PPP1R7: variants seen among roughly 807,000 people sequenced by gnomAD.
PPP1R7 encodes protein phosphatase 1 regulatory subunit 22.
PPP1R7 carries 18 observed loss-of-function variants against 45.2 expected under a neutral mutation model. That is an observed-to-expected ratio of 0.40 (90% CI 0.28 to 0.59). The LOEUF is 0.59. Ranked by LOEUF, PPP1R7 falls within the 20% of genes least tolerant of loss-of-function variation. The pLI, the probability that PPP1R7 is intolerant of heterozygous loss-of-function variation, is 0.46. For synonymous variants in PPP1R7, 181 were observed against 183.4 expected (o/e 0.99, Z 0.11); for missense variants, 314 against 455.8 (o/e 0.69, Z 2.83).
intron 7 of PPP1R7, among the ~76,000 whole-genome samples, chr2:241,165,349 G>A (rs1358252870): frequency 6.7e-6 from 1 of 148,712 alleles, no homozygotes; most frequent in African/African-American, 2.5e-5. Flanking sequence ...TGTATTTTTA[G>A]TGGAGACAGG....
intron 6 of PPP1R7, among the ~76,000 whole-genome samples, chr2:241,160,749 A>T (rs1178873187): frequency 2.0e-5 from 3 of 152,220 alleles, no homozygotes; most frequent in African/African-American, 7.2e-5. Context: ...CATGACCCTG[A>T]ATCACACTGT....
At chr2:241,157,883 C>T in intron 3 of PPP1R7, 21 bp downstream of exon 3, 3 of 1,609,414 alleles carry the variant, frequency 1.9e-6, no homozygotes, top group Non-Finnish European at 8.5e-7. Flanking sequence ...CTGCTCAGCC[C>T]AGCCTTGGGC....
Position 241,158,566 on chromosome 2 carries a change from T to C in PPP1R7, c.303+17T>C, listed in dbSNP as rs759735668. 1.0e-5 allele frequency: 16 copies of C among 1,606,152 alleles called. No homozygotes were observed. The South Asian group carries it at 1.4e-4, about 14-fold the overall frequency. ...AAAGTGAAGGTGAGAGGGACTCTTATGAGGGGACTATGACGCTCACCCATA... is the reference window on the plus strand; with the variant it reads ...AAAGTGAAGGTGAGAGGGACTCTTACGAGGGGACTATGACGCTCACCCATA... On this transcript the variant is annotated intron_variant, in intron 4 of 9. Coordinates refer to ENST00000234038, the MANE Select transcript of PPP1R7 (RefSeq NM_002712.3).
At chr2:241,162,554 G>A (rs2067617700) in intron 6 of PPP1R7, among the ~76,000 whole-genome samples, 1 of 152,188 alleles carries the variant, frequency 6.6e-6, no homozygotes. Context: ...TGGAAACTGG[G>A]CAAGAGGGGC....
intron 9 of PPP1R7, among the ~76,000 whole-genome samples, chr2:241,176,262 C>T (rs2067906277): frequency 6.6e-6 from 1 of 152,122 alleles, no homozygotes; most frequent in Non-Finnish European, 1.5e-5. Flanking sequence ...AAAAGGCTGG[C>T]CAACTGGGTG....
chr2:241,156,747 G>A (rs893823057), intron 2 of PPP1R7, among the ~76,000 whole-genome samples: 2 of 152,192 alleles, frequency 1.3e-5, no homozygotes, highest in Non-Finnish European at 2.9e-5. Context: ...GCCTTATTTG[G>A]ATCATAATGC....
rs1463738240 is a variant in PPP1R7, at chr2:241,163,807, G to A, written c.714+406G>A. ...GGGGGTGAGGAATGGAAGAGATGAG[G>A]TCTCACTATGTTGCCTAGGCTGGTC... is the stretch of plus-strand genomic sequence containing the variant. On this transcript the variant is annotated intron_variant, in intron 7 of 9. Coordinates refer to ENST00000234038, the MANE Select transcript of PPP1R7 (RefSeq NM_002712.3). Among the ~76,000 whole-genome samples the A allele has an allele frequency of 2.6e-5, 4 of 152,054 alleles. No individual in the cohort carries two copies. The East Asian group carries it at 7.7e-4, about 29-fold the overall frequency.
At chr2:241,162,683 C>CTTTTTTT (rs1232024996) in intron 6 of PPP1R7, among the ~76,000 whole-genome samples, 1 of 134,426 alleles carries the variant, frequency 7.4e-6, no homozygotes, top group East Asian at 2.2e-4. Flanking sequence ...CTTGGGAGGA[C>CTTTTTTT]TTTTTTTTTT....
intron 7 of PPP1R7, among the ~76,000 whole-genome samples, chr2:241,165,856 CA>C: frequency 6.6e-6 from 1 of 151,834 alleles, no homozygotes; most frequent in South Asian, 2.1e-4. Flanking sequence ...CTCGGCCTCC[CA>C]AAGTGCTGGG....
intron 7 of PPP1R7, among the ~76,000 whole-genome samples, chr2:241,163,691 A>T (rs1207874825): frequency 1.3e-5 from 2 of 151,818 alleles, no homozygotes; most frequent in Non-Finnish European, 2.9e-5. Context: ...GCAGCCTCCA[A>T]CTCCTGGGCT....
At chr2:241,152,934 C>T (rs773244878) in intron 1 of PPP1R7, among the ~76,000 whole-genome samples, 3 of 152,208 alleles carry the variant, frequency 2.0e-5, no homozygotes, top group Admixed American at 6.5e-5. Context: ...TTTCTGTGGG[C>T]GGTCAGCACT....
chr2:241,155,586 G>T (rs2067437111), intron 2 of PPP1R7, among the ~76,000 whole-genome samples: 1 of 152,130 alleles, frequency 6.6e-6, no homozygotes, highest in Non-Finnish European at 1.5e-5. Context: ...ACTCAGAAGG[G>T]CATTCTAGGC....
At chr2:241,150,062 T>C (rs1163857367), upstream of PPP1R7, 10 of 1,340,642 alleles carry the variant, frequency 7.5e-6, no homozygotes, top group Non-Finnish European at 9.6e-6. Context: ...GGGATGCACG[T>C]AGGACTGGCC....
At chr2:241,172,861 T>C (rs1344493119) in intron 9 of PPP1R7, among the ~76,000 whole-genome samples, 2 of 152,116 alleles carry the variant, frequency 1.3e-5, no homozygotes, top group African/African-American at 2.4e-5. Context: ...GAATTTAATA[T>C]TATGGATACA....
intron 9 of PPP1R7, 103 bp from the exon 10 acceptor site, chr2:241,182,544 G>T (rs34186191): frequency 1.4e-6 from 2 of 1,427,758 alleles, no homozygotes; most frequent in East Asian, 2.3e-5. Flanking sequence ...ACACCTGCTC[G>T]CCATCTTCTG....
intron 8 of PPP1R7, 51 bp downstream of exon 8, chr2:241,166,492 G>A (rs774014174): frequency 2.1e-5 from 32 of 1,536,962 alleles, no homozygotes; most frequent in South Asian, 4.6e-5. Flanking sequence ...GGCACCAGGC[G>A]GGCAGGCACC....
Position 241,150,519 on chromosome 2 carries a change from G to T in PPP1R7, c.24G>T (p.Gly8=). The T allele has an allele frequency of 1.9e-6, 3 of 1,599,170 alleles. No homozygotes were observed. Among genetic ancestry groups the T allele is most frequent in the African/African-American group, 2.7e-5 (2 of 73,080 alleles). The part of the protein sequence containing the change: MAAERGA[G]QQQSQEMMEV... ...ACATGGCGGCGGAACGCGGCGCGGG[G>T]CAGCAACAGTCGCAGGAGATGATGG... The change falls in exon 1 of 10, where the codon GGG becomes GGT. Residue 8 remains glycine (G), a synonymous_variant. Coordinates refer to ENST00000234038, the MANE Select transcript of PPP1R7 (RefSeq NM_002712.3).
chr2:241,179,548 T>C (rs1484187548), intron 9 of PPP1R7, among the ~76,000 whole-genome samples: 1 of 152,216 alleles, frequency 6.6e-6, no homozygotes, highest in Non-Finnish European at 1.5e-5. Context: ...CAATTTTAGT[T>C]TTTAAAAAAC....
chr2:241,165,277 C>T (rs2067680394), intron 7 of PPP1R7, among the ~76,000 whole-genome samples: 1 of 151,932 alleles, frequency 6.6e-6, no homozygotes, highest in Non-Finnish European at 1.5e-5. Flanking sequence ...AGCGATTCTC[C>T]TGCCTCAGTC....
Sources: gnomAD v4.1 joint callset for allele counts (sites outside exome capture counted in the v4.1 genomes callset) on GRCh38, gnomAD v4.1.1 for gene constraint, MANE v1.5 for transcripts, NCBI Gene and HGNC (gene_info 2026-07-23, HGNC 2026-07-21) for gene names.